IPO11: variants seen among roughly 807,000 people sequenced by gnomAD.
The protein encoded by IPO11 is importin 11.
Under a neutral mutation model 143.2 loss-of-function variants are expected in IPO11, and 66 were observed. The observed-to-expected ratio is 0.46, with a 90% CI of 0.38 to 0.57. The LOEUF is 0.57. IPO11 is among the 20% of genes least tolerant of loss of function. IPO11 has a pLI of 0.00. For synonymous variants in IPO11, 385 were observed against 377.8 expected (o/e 1.02, Z -0.22); for missense variants, 1,026 against 1,141.0 (o/e 0.90, Z 1.45).
chr5:62,435,686 C>T lies in IPO11; in HGVS notation c.-6-1588C>T, dbSNP rs150263036. Among the ~76,000 whole-genome samples the T allele has an allele frequency of 7.3e-3, 1,091 of 150,118 alleles. 14 individuals carry two copies. Among genetic ancestry groups the T allele is most frequent in the African/African-American group, 0.025 (1,029 of 40,762 alleles). On this transcript the variant is annotated intron_variant, in intron 1 of 29. Transcript: ENST00000325324. ...GTTGCAGTGAGCCGAGATCGTGCCA[C>T]TGCACTCCAGCCTGGGCAACAGAGC...
At chr5:62,588,678 TC>T (rs1744897421) in intron 27 of IPO11, among the ~76,000 whole-genome samples, 1 of 152,218 alleles carries the variant, frequency 6.6e-6, no homozygotes, top group Non-Finnish European at 1.5e-5. Context: ...AAACCCCGCA[TC>T]CTCAAACTCT....
intron 5 of IPO11, among the ~76,000 whole-genome samples, chr5:62,452,725 TGTGTG>T (rs1744983703): frequency 8.2e-5 from 1 of 12,180 alleles, no homozygotes; most frequent in African/African-American, 4.3e-4. Context: ...TTTGGTGGGG[TGTGTG>T]TGTGTGTGTG....
intron 27 of IPO11, among the ~76,000 whole-genome samples, chr5:62,573,741 T>C: frequency 6.6e-6 from 1 of 152,214 alleles, no homozygotes; most frequent in East Asian, 1.9e-4. Context: ...TAGGCATGAT[T>C]CTGGAGTTAT....
chr5:62,442,296 T>C (rs2463079), intron 2 of IPO11, among the ~76,000 whole-genome samples: 13,793 of 152,244 alleles, frequency 0.091, 673 homozygotes, highest in East Asian at 0.14. Flanking sequence ...TTGGAAGTTA[T>C]ATATTTTATT....
At chr5:62,483,332 T>A in intron 10 of IPO11, 39 bp downstream of exon 10, 3 of 1,233,172 alleles carry the variant, frequency 2.4e-6, no homozygotes, top group Non-Finnish European at 3.4e-6. Context: ...ATTATTTTAA[T>A]CTTAAGTGTG....
intron 27 of IPO11, chr5:62,576,388 G>A (rs1410197435): frequency 6.6e-6 from 1 of 152,070 alleles, no homozygotes; most frequent in Non-Finnish European, 1.5e-5. Flanking sequence ...CTTGATTTTA[G>A]TTCCATCAGT....
intron 16 of IPO11, among the ~76,000 whole-genome samples, chr5:62,497,500 C>T (rs1289244876): frequency 1.3e-5 from 2 of 152,110 alleles, no homozygotes; most frequent in East Asian, 1.9e-4. Context: ...CAAGGTCTCA[C>T]TTTGTTGCCC....
At chr5:62,462,526 T>TA (rs1416744432) in intron 5 of IPO11, among the ~76,000 whole-genome samples, 3 of 151,856 alleles carry the variant, frequency 2.0e-5, no homozygotes, top group Non-Finnish European at 2.9e-5. Context: ...GCTACCATTA[T>TA]TAAAAAAAAT....
chr5:62,586,760 A>ATATATATAT (rs1233897638), intron 27 of IPO11, among the ~76,000 whole-genome samples: 15 of 81,566 alleles, frequency 1.8e-4, no homozygotes, highest in South Asian at 5.0e-4. Flanking sequence ...TCCAAAAAAA[A>ATATATATAT]AAAAAAAAAT....
At chr5:62,427,422 C>G (rs1212294074) in intron 1 of IPO11, among the ~76,000 whole-genome samples, 2 of 152,132 alleles carry the variant, frequency 1.3e-5, no homozygotes, top group Non-Finnish European at 2.9e-5. Flanking sequence ...CCAAACAAAC[C>G]AGTTTTTGAC....
chr5:62,610,509 A>T (rs1324920268), intron 29 of IPO11, among the ~76,000 whole-genome samples: 2 of 152,218 alleles, frequency 1.3e-5, no homozygotes, highest in Non-Finnish European at 2.9e-5. Flanking sequence ...GTTATCACAT[A>T]TCACATATAT....
At chr5:62,532,228 C>T (rs1054404070) in intron 22 of IPO11, among the ~76,000 whole-genome samples, 1 of 152,084 alleles carries the variant, frequency 6.6e-6, no homozygotes, top group African/African-American at 2.4e-5. Context: ...GGATTGGTAA[C>T]CAAGAAGAAG....
intron 19 of IPO11, among the ~76,000 whole-genome samples, chr5:62,514,830 A>G (rs1256795195): frequency 6.6e-6 from 1 of 152,208 alleles, no homozygotes; most frequent in Non-Finnish European, 1.5e-5. Context: ...CTTAATCCAT[A>G]GTGAGCTTAG....
intron 3 of IPO11, among the ~76,000 whole-genome samples, chr5:62,446,188 G>T (rs1744711901): frequency 6.6e-6 from 1 of 152,102 alleles, no homozygotes; most frequent in African/African-American, 2.4e-5. Flanking sequence ...ATGTATAACA[G>T]ACTTTAAAAC....
intron 1 of IPO11, among the ~76,000 whole-genome samples, chr5:62,428,429 C>T (rs1161110229): frequency 1.3e-5 from 2 of 152,032 alleles, no homozygotes; most frequent in African/African-American, 4.8e-5. Context: ...CTGCAACCTC[C>T]GCCTCCCGGG....
At chr5:62,464,025 T>G (rs1470236316) in intron 5 of IPO11, among the ~76,000 whole-genome samples, 1 of 151,892 alleles carries the variant, frequency 6.6e-6, no homozygotes, top group African/African-American at 2.4e-5. Context: ...CGTTTCGCTG[T>G]GTTGGCCAGG....
chr5:62,554,787 C>T (rs1218348455), intron 26 of IPO11, among the ~76,000 whole-genome samples: 3 of 152,166 alleles, frequency 2.0e-5, no homozygotes, highest in Non-Finnish European at 4.4e-5. Flanking sequence ...AGAATCTTGG[C>T]TCACTGCAAC....
At position 62,591,516 on chromosome 5, in the gene IPO11, A is replaced by T. The variant is rs1745009590; in HGVS notation, c.2583-61A>T. 3.0e-6 allele frequency: 3 copies of T among 996,568 alleles called. No homozygotes were observed. In the Admixed American group the frequency reaches 8.3e-5, roughly 28 times the overall value. The allele number at this position is 996,568 out of a possible 1,614,324, so 61.7% of individuals were successfully genotyped here. A position where few individuals can be genotyped will look rare whatever the true frequency, so the allele number is the denominator to read the frequency against. ...TGTTCGAGAAGATGTTTAGGAAAAA[A>T]AAAACAAAAAGAATTAATCTAGTAT... On this transcript the variant is annotated intron_variant, in intron 27 of 29. Coordinates refer to ENST00000325324, the MANE Select transcript of IPO11 (RefSeq NM_016338.5).
intron 24 of IPO11, among the ~76,000 whole-genome samples, chr5:62,541,053 G>C (rs576178821): frequency 6.6e-6 from 1 of 152,274 alleles, no homozygotes; most frequent in African/African-American, 2.4e-5. Context: ...GCATATTTCA[G>C]CTGGCTCTTT....
Sources: gnomAD v4.1 joint callset for allele counts (sites outside exome capture counted in the v4.1 genomes callset) on GRCh38, gnomAD v4.1.1 for gene constraint, MANE v1.5 for transcripts, NCBI Gene and HGNC (gene_info 2026-07-23, HGNC 2026-07-21) for gene names.